The following WDPCP variants were observed in gnomAD, a reference collection of about 807,000 sequenced individuals.
WDPCP encodes WD repeat-containing and planar cell polarity effector protein fritz homolog.
In WDPCP, 71 loss-of-function variants were observed where a neutral mutation model predicts 93.1. The ratio of observed to expected loss-of-function variants is 0.76; its 90% CI spans 0.63 to 0.93. The LOEUF (loss-of-function observed/expected upper bound fraction) is 0.93. Ranked by LOEUF, WDPCP falls within the 40% of genes least tolerant of loss-of-function variation. The pLI is 0.00. For synonymous variants in WDPCP, 315 were observed against 315.0 expected (o/e 1.00, Z 0.00); for missense variants, 844 against 887.4 (o/e 0.95, Z 0.62).
intron 13 of WDPCP, among the ~76,000 whole-genome samples, chr2:63,283,706 A>G (rs1408322431): frequency 6.6e-6 from 1 of 152,214 alleles, no homozygotes; most frequent in African/African-American, 2.4e-5. Flanking sequence ...TAAAAATCCA[A>G]AATGCTTCAA....
intron 2 of WDPCP, among the ~76,000 whole-genome samples, chr2:63,813,285 G>A (rs573298711): frequency 6.6e-6 from 1 of 152,310 alleles, no homozygotes; most frequent in Non-Finnish European, 1.5e-5. Flanking sequence ...GGAAATAAAG[G>A]AGAAGCACAG....
chr2:63,176,043 C>T (rs921814697), intron 14 of WDPCP, among the ~76,000 whole-genome samples: 1 of 152,102 alleles, frequency 6.6e-6, no homozygotes, highest in African/African-American at 2.4e-5. Flanking sequence ...ACAATCCTAC[C>T]AACAGTGCAC....
chr2:63,510,797 C>T (rs1176089443), intron 1 of WDPCP, among the ~76,000 whole-genome samples: 1 of 152,000 alleles, frequency 6.6e-6, no homozygotes, highest in South Asian at 2.1e-4. Flanking sequence ...CATGGCAAAC[C>T]CTGTCTCTAC....
At chr2:63,313,132 G>C (rs770049485) in intron 13 of WDPCP, 116 bp downstream of exon 13, 166 of 920,832 alleles carry the variant, frequency 1.8e-4, no homozygotes, top group Non-Finnish European at 2.7e-4. Flanking sequence ...ATGGAATAAT[G>C]CTTTCCCACC....
intron 2 of WDPCP, 38 bp from the exon 3 acceptor site, chr2:63,487,532 A>G (rs748935999): frequency 6.7e-7 from 1 of 1,487,352 alleles, no homozygotes; most frequent in Non-Finnish European, 9.4e-7. Context: ...TTATGATTTA[A>G]AAGTCCCAGA....
At chr2:63,568,421 G>C (rs187717921) in intron 1 of WDPCP, among the ~76,000 whole-genome samples, 1 of 151,952 alleles carries the variant, frequency 6.6e-6, no homozygotes, top group East Asian at 1.9e-4. Flanking sequence ...TGTAATGGGA[G>C]ATATTTATAA....
chr2:63,428,024 A>G (rs1402504273), intron 9 of WDPCP, among the ~76,000 whole-genome samples: 1 of 152,148 alleles, frequency 6.6e-6, no homozygotes, highest in African/African-American at 2.4e-5. Context: ...AGATTGAACC[A>G]GAAAGAAAGT....
At chr2:63,465,648 T>C (rs965984530) in intron 6 of WDPCP, among the ~76,000 whole-genome samples, 2 of 152,186 alleles carry the variant, frequency 1.3e-5, no homozygotes, top group South Asian at 2.1e-4. Flanking sequence ...AAGAAAAAGA[T>C]TTTTATTTCA....
the WDPCP span, among the ~76,000 whole-genome samples, chr2:63,840,002 C>T: frequency 1.3e-5 from 2 of 152,164 alleles, no homozygotes; most frequent in Admixed American, 6.5e-5. Context: ...ATCAAAGTTC[C>T]TTTGTTTAGA....
chr2:63,757,005 T>C (rs1270554947), intron 2 of WDPCP, among the ~76,000 whole-genome samples: 1 of 152,134 alleles, frequency 6.6e-6, no homozygotes, highest in Non-Finnish European at 1.5e-5. Context: ...GTTATACATG[T>C]GTAGTGGGAG....
intron 1 of WDPCP, 106 bp from the exon 2 acceptor site, chr2:63,493,046 A>T (rs1700994504): frequency 1.1e-6 from 1 of 928,058 alleles, no homozygotes; most frequent in African/African-American, 1.7e-5. Flanking sequence ...CACAACTGTT[A>T]TTTGAAATAT....
rs141194429 is a variant in WDPCP, at chr2:63,304,310, C to T, written c.1812+8938G>A. Among the ~76,000 whole-genome samples the T allele has an allele frequency of 1.2e-3, 179 of 150,944 alleles. 2 individuals carry two copies. Among genetic ancestry groups the T allele is most frequent in the African/African-American group, 4.0e-3 (165 of 41,036 alleles). On this transcript the variant is annotated intron_variant, in intron 13 of 17. Transcript: ENST00000272321. ...GGCTGGCAAGATGGCTGAATTGGAA[C>T]AGCTCCAGTCTGCAGCTCCCAGTGA... is the stretch of plus-strand genomic sequence containing the variant.
intron 1 of WDPCP, among the ~76,000 whole-genome samples, chr2:63,584,157 A>AAATAAATAAATGAATGAATAAATACCCAC (rs1347429628): frequency 1.8e-4 from 27 of 152,208 alleles, no homozygotes; most frequent in Admixed American, 4.6e-4. Flanking sequence ...GATGGCCTCA[A>AAATAAATAAATGAATGAATAAATACCCAC]AATAAATAAA....
At chr2:63,330,357 C>T (rs1237756277) in intron 12 of WDPCP, among the ~76,000 whole-genome samples, 1 of 152,140 alleles carries the variant, frequency 6.6e-6, no homozygotes, top group Non-Finnish European at 1.5e-5. Context: ...TTTCCATATA[C>T]CTGTTGGACA....
intron 1 of WDPCP, among the ~76,000 whole-genome samples, chr2:63,578,060 T>C (rs987609216): frequency 6.6e-6 from 1 of 152,114 alleles, no homozygotes; most frequent in Non-Finnish European, 1.5e-5. Context: ...TTTAAGGAAA[T>C]ACTAAATGAT....
At chr2:63,403,100 G>T (rs978456583) in intron 10 of WDPCP, among the ~76,000 whole-genome samples, 3 of 152,140 alleles carry the variant, frequency 2.0e-5, no homozygotes, top group Non-Finnish European at 4.4e-5. Flanking sequence ...CCATTAAAAA[G>T]AACAAGATAA....
At chr2:63,323,416 G>C (rs1475649104) in intron 12 of WDPCP, among the ~76,000 whole-genome samples, 1 of 152,042 alleles carries the variant, frequency 6.6e-6, no homozygotes, top group Non-Finnish European at 1.5e-5. Flanking sequence ...CCCCATCGTA[G>C]GGGGGACTAT....
intron 10 of WDPCP, chr2:63,403,568 A>G (rs772224858): frequency 6.5e-6 from 1 of 154,406 alleles, no homozygotes; most frequent in East Asian, 1.9e-4. Context: ...AGGTATCTTC[A>G]GCAAATTCTA....
chr2:63,607,842 A>G (rs971544237), intron 3 of WDPCP, among the ~76,000 whole-genome samples: 4 of 148,224 alleles, frequency 2.7e-5, no homozygotes, highest in Non-Finnish European at 1.5e-5. Context: ...AAAAAAAAAA[A>G]GAAGAAAAGA....
Sources: gnomAD v4.1 joint callset for allele counts (sites outside exome capture counted in the v4.1 genomes callset) on GRCh38, gnomAD v4.1.1 for gene constraint, MANE v1.5 for transcripts, NCBI Gene and HGNC (gene_info 2026-07-23, HGNC 2026-07-21) for gene names.